Variants in PPP2R2B observed in about 807,000 individuals in gnomAD.
PPP2R2B encodes the protein serine/threonine-protein phosphatase 2A 55 kDa regulatory subunit B beta isoform.
A neutral mutation model predicts 46.0 loss-of-function variants in PPP2R2B; 5 were observed. The observed-to-expected ratio is 0.11, with a 90% CI of 0.06 to 0.23. PPP2R2B has a LOEUF of 0.23. Ranked by LOEUF, PPP2R2B falls within the 10% of genes least tolerant of loss-of-function variation. The pLI is 1.00. For missense variants in PPP2R2B, 367 were observed against 575.0 expected, an observed-to-expected ratio of 0.64 and a Z score of 3.70; for synonymous variants, 215 against 206.7, an observed-to-expected ratio of 1.04 and a Z score of -0.34.
intron 2 of PPP2R2B, among the ~76,000 whole-genome samples, chr5:147,080,527 C>T (rs1757941283): frequency 6.6e-6 from 1 of 152,116 alleles, no homozygotes; most frequent in Non-Finnish European, 1.5e-5. Context: ...AAAAGTTCTT[C>T]AGGAGGAGGA....
At chr5:147,004,710 C>T (rs1199524253) in intron 1 of PPP2R2B, among the ~76,000 whole-genome samples, 1 of 152,088 alleles carries the variant, frequency 6.6e-6, no homozygotes, top group African/African-American at 2.4e-5. Flanking sequence ...AGGGAATCAA[C>T]CCTGAAGTCT....
At position 146,770,330 on chromosome 5, in the gene PPP2R2B, CAAAAAAAAA is replaced by C. The variant is rs5871992; in HGVS notation, c.71-69197_71-69189del. Among the ~76,000 whole-genome samples the C allele has an allele frequency of 2.3e-3, 140 of 60,088 alleles. 2 individuals carry two copies. The highest frequency in any genetic ancestry group is 2.5e-3 in the Admixed American group (10 of 3,986). The allele number at this position is 60,088 out of a possible 152,430, so 39.4% of individuals were successfully genotyped here. On this transcript the variant is annotated intron_variant, in intron 2 of 9. Transcript: ENST00000394411. ...TGGGTGACAGAGTGAGATTCCGTCT[CAAAAAAAAA>C]AAAAAAAAAAAAAAAAGAATGAAGA...
chr5:146,621,639 G>A (rs1213137327), intron 7 of PPP2R2B, among the ~76,000 whole-genome samples: 1 of 152,076 alleles, frequency 6.6e-6, no homozygotes, highest in Non-Finnish European at 1.5e-5. Context: ...TTAACACAAT[G>A]TACCGAGGCA....
chr5:146,892,434 C>T (rs1307770393), intron 1 of PPP2R2B, among the ~76,000 whole-genome samples: 1 of 152,180 alleles, frequency 6.6e-6, no homozygotes, highest in Admixed American at 6.5e-5. Context: ...GCTAAGTGTC[C>T]AGTGCCTGAT....
At chr5:146,776,257 G>A (rs772609856) in intron 2 of PPP2R2B, among the ~76,000 whole-genome samples, 1 of 152,076 alleles carries the variant, frequency 6.6e-6, no homozygotes, top group Admixed American at 6.5e-5. Context: ...CTTACTTACT[G>A]CAAAGCTATA....
chr5:146,936,645 A>T (rs1022755552), intron 1 of PPP2R2B, among the ~76,000 whole-genome samples: 3 of 152,034 alleles, frequency 2.0e-5, no homozygotes, highest in Admixed American at 6.6e-5. Flanking sequence ...GACATGCACA[A>T]AGCACTAAAG....
chr5:146,630,021 C>T (rs952742409), intron 7 of PPP2R2B, among the ~76,000 whole-genome samples: 2 of 152,146 alleles, frequency 1.3e-5, no homozygotes, highest in African/African-American at 4.8e-5. Context: ...GCCATGTTGG[C>T]CAGGCTGGTC....
At chr5:146,833,983 G>T (rs556453262) in intron 2 of PPP2R2B, among the ~76,000 whole-genome samples, 4 of 152,148 alleles carry the variant, frequency 2.6e-5, no homozygotes, top group East Asian at 3.9e-4. Flanking sequence ...CATCCTAGGG[G>T]TTACCTAACG....
intron 2 of PPP2R2B, among the ~76,000 whole-genome samples, chr5:146,865,524 C>T (rs748305955): frequency 6.6e-6 from 1 of 152,026 alleles, no homozygotes; most frequent in African/African-American, 2.4e-5. Context: ...TGTTTTTTAA[C>T]GTATATATTC....
chr5:146,773,764 A>C (rs1007565663), intron 2 of PPP2R2B, among the ~76,000 whole-genome samples: 1 of 152,182 alleles, frequency 6.6e-6, no homozygotes, highest in African/African-American at 2.4e-5. Flanking sequence ...TAGTCTCCCA[A>C]TTTATCCATC....
intron 2 of PPP2R2B, chr5:146,706,408 G>T: frequency 1.2e-6 from 1 of 827,172 alleles, no homozygotes; most frequent in Non-Finnish European, 2.0e-6. Flanking sequence ...AGCCGCTGGT[G>T]GTCTTCGTAT....
chr5:147,005,004 T>C (rs1754370431), intron 1 of PPP2R2B, among the ~76,000 whole-genome samples: 1 of 152,124 alleles, frequency 6.6e-6, no homozygotes, highest in African/African-American at 2.4e-5. Flanking sequence ...AATGGCATAC[T>C]AGGTGTCAAA....
upstream of PPP2R2B, among the ~76,000 whole-genome samples, chr5:146,880,106 T>A (rs1278767250): frequency 6.6e-6 from 1 of 152,064 alleles, no homozygotes; most frequent in Non-Finnish European, 1.5e-5. Flanking sequence ...GAAAATGACA[T>A]CTTCCTCATC....
At chr5:146,641,146 C>T (rs114127817) in intron 6 of PPP2R2B, among the ~76,000 whole-genome samples, 9,634 of 152,234 alleles carry the variant, frequency 0.063, 314 homozygotes, top group Non-Finnish European at 0.083. Context: ...TGTGTTGTCC[C>T]CCTTGCCCCT....
rs1038287147 is a variant in PPP2R2B, at chr5:146,650,735, A to C, written c.448-11T>G. 6.2e-7 allele frequency: 1 copy of C among 1,610,460 alleles called. No individual in the cohort carries two copies. The highest frequency in any genetic ancestry group is 1.3e-5 in the African/African-American group (1 of 74,812). On this transcript the variant is annotated splice_polypyrimidine_tract_variant and intron_variant, in intron 5 of 9. Transcript: ENST00000394411. ...TCTCAGGACAGGCACCTGGGATGCA[A>C]GAGAAACAAATCACTTCAGAACCAA...
intron 1 of PPP2R2B, among the ~76,000 whole-genome samples, chr5:146,989,252 C>T (rs1417375239): frequency 2.6e-5 from 4 of 151,312 alleles, no homozygotes; most frequent in Non-Finnish European, 5.9e-5. Flanking sequence ...ATTCATTCTA[C>T]AAGGCCAGCA....
At chr5:146,832,984 C>T (rs538735232) in intron 2 of PPP2R2B, among the ~76,000 whole-genome samples, 7 of 152,044 alleles carry the variant, frequency 4.6e-5, no homozygotes, top group African/African-American at 1.7e-4. Flanking sequence ...ATATTAATAT[C>T]ACAAGCCCTT....
intron 1 of PPP2R2B, among the ~76,000 whole-genome samples, chr5:146,897,366 C>A (rs969955341): frequency 2.0e-5 from 3 of 152,178 alleles, no homozygotes; most frequent in African/African-American, 7.2e-5. Context: ...ATAAAAAGTT[C>A]TTCCTTTTGA....
intron 2 of PPP2R2B, among the ~76,000 whole-genome samples, chr5:146,835,498 A>G (rs1365562129): frequency 1.3e-5 from 2 of 152,098 alleles, no homozygotes; most frequent in East Asian, 3.9e-4. Flanking sequence ...TCACCTGTCC[A>G]TACTGAACTT....
Sources: gnomAD v4.1 joint callset for allele counts (sites outside exome capture counted in the v4.1 genomes callset) on GRCh38, gnomAD v4.1.1 for gene constraint, MANE v1.5 for transcripts, NCBI Gene and HGNC (gene_info 2026-07-23, HGNC 2026-07-21) for gene names.